CDK14: variants seen among roughly 807,000 people sequenced by gnomAD.
CDK14 encodes the protein cyclin dependent kinase 14.
In CDK14, 34 loss-of-function variants were observed where a neutral mutation model predicts 60.7. That is an observed-to-expected ratio of 0.56 (90% CI 0.43 to 0.75). The LOEUF (loss-of-function observed/expected upper bound fraction) is 0.75. Among genes scored for constraint, CDK14 ranks in the 30% least tolerant of loss-of-function variants. The probability of loss-of-function intolerance (pLI) is 0.00; values close to 1 mark genes in which losing one functional copy is unlikely to be tolerated. For missense variants in CDK14, 482 were observed against 564.1 expected (o/e 0.85, Z 1.47); for synonymous variants, 197 against 203.7 (o/e 0.97, Z 0.28).
At chr7:91,090,744 A>G (rs554328484) in intron 12 of CDK14, among the ~76,000 whole-genome samples, 82 of 152,108 alleles carry the variant, frequency 5.4e-4, no homozygotes, top group African/African-American at 2.0e-3. Flanking sequence ...GAGATTTTCC[A>G]TTTTCAAATT....
chr7:90,871,596 AAAT>A (rs146183018), intron 6 of CDK14, among the ~76,000 whole-genome samples: 2 of 152,316 alleles, frequency 1.3e-5, no homozygotes, highest in East Asian at 3.9e-4. Context: ...CACTTCTTTG[AAAT>A]ATAATGAGCA....
intron 12 of CDK14, 65 bp downstream of exon 12, chr7:91,079,545 A>C: frequency 1.0e-4 from 115 of 1,154,904 alleles, no homozygotes; most frequent in Non-Finnish European, 1.4e-4. Context: ...AACTCTTCTC[A>C]TACGTTTTTC....
At chr7:90,659,528 A>G (rs1360334599) in intron 2 of CDK14, among the ~76,000 whole-genome samples, 5 of 152,206 alleles carry the variant, frequency 3.3e-5, no homozygotes, top group Admixed American at 1.3e-4. Context: ...TAATAATTCC[A>G]TGAATGTTGC....
At chr7:90,672,659 A>G (rs1243841539) in intron 2 of CDK14, among the ~76,000 whole-genome samples, 1 of 151,768 alleles carries the variant, frequency 6.6e-6, no homozygotes, top group Non-Finnish European at 1.5e-5. Flanking sequence ...AGCTTGGACT[A>G]CAGGTGTACA....
intron 13 of CDK14, among the ~76,000 whole-genome samples, chr7:91,113,099 A>G (rs1266482594): frequency 6.6e-6 from 1 of 152,244 alleles, no homozygotes; most frequent in Non-Finnish European, 1.5e-5. Flanking sequence ...TGCTTTATGC[A>G]TACAGTACTT....
chr7:91,193,209 G>A (rs1802427676), intron 14 of CDK14, among the ~76,000 whole-genome samples: 1 of 152,130 alleles, frequency 6.6e-6, no homozygotes, highest in Non-Finnish European at 1.5e-5. Flanking sequence ...TCAGCATTCT[G>A]ACATCGTAAT....
chr7:90,939,487 C>T (rs566288053), intron 8 of CDK14, among the ~76,000 whole-genome samples: 4 of 152,292 alleles, frequency 2.6e-5, no homozygotes, highest in African/African-American at 7.2e-5. Context: ...TGTCGGGTTG[C>T]GGACAGTAAG....
intron 6 of CDK14, among the ~76,000 whole-genome samples, chr7:90,896,415 T>C (rs916592342): frequency 2.8e-4 from 42 of 152,156 alleles, no homozygotes. Context: ...AGAAACCTTA[T>C]TGATATACTA....
intron 5 of CDK14, among the ~76,000 whole-genome samples, chr7:90,839,979 T>A (rs1790237277): frequency 6.6e-6 from 1 of 152,146 alleles, no homozygotes; most frequent in East Asian, 1.9e-4. Flanking sequence ...TCTAGAAGGA[T>A]GTAAAAAGAA....
In CDK14 at chr7:91,015,521, G is replaced by GTTTTTTTTTT. The variant is rs10710645; in HGVS notation, c.1042-30361_1042-30352dup. Among the ~76,000 whole-genome samples the GTTTTTTTTTT allele has an allele frequency of 2.1e-4, 16 of 77,678 alleles. 1 individual carries two copies. The highest frequency in any genetic ancestry group is 2.8e-4 in the Non-Finnish European group (12 of 42,960). 51.0% of individuals were successfully genotyped at this position (77,678 alleles called of 152,430 possible). A position where few individuals can be genotyped will look rare whatever the true frequency, so the allele number is the denominator to read the frequency against. ...CCTACCCCAGCAGAGTATGTCTTGG[G>GTTTTTTTTTT]TTTTTTTTTTTTTTTTTTTTTTTTG... On this transcript the variant is annotated intron_variant, in intron 10 of 14. Coordinates refer to ENST00000380050, the MANE Select transcript of CDK14 (RefSeq NM_001287135.2).
intron 7 of CDK14, among the ~76,000 whole-genome samples, chr7:90,909,840 T>A (rs576810343): frequency 6.6e-6 from 1 of 152,292 alleles, no homozygotes; most frequent in African/African-American, 2.4e-5. Context: ...AGAATGTAAA[T>A]TAAATTGTTA....
At chr7:90,656,507 G>C (rs1800754383) in intron 2 of CDK14, among the ~76,000 whole-genome samples, 1 of 151,818 alleles carries the variant, frequency 6.6e-6, no homozygotes, top group Non-Finnish European at 1.5e-5. Flanking sequence ...AGCCTCCTGA[G>C]TAGCTGGGAC....
chr7:90,760,001 A>C (rs540214599), intron 4 of CDK14, among the ~76,000 whole-genome samples: 1 of 152,328 alleles, frequency 6.6e-6, no homozygotes, highest in African/African-American at 2.4e-5. Flanking sequence ...GTCAATGAGA[A>C]CAATGAAGGA....
intron 2 of CDK14, among the ~76,000 whole-genome samples, chr7:90,642,789 T>C (rs184480447): frequency 1.7e-4 from 26 of 152,344 alleles, no homozygotes; most frequent in Admixed American, 1.5e-3. Flanking sequence ...CTATATAATT[T>C]GTTCCACAGT....
At chr7:90,636,459 C>T (rs1361335908) in intron 2 of CDK14, among the ~76,000 whole-genome samples, 6 of 151,930 alleles carry the variant, frequency 3.9e-5, no homozygotes, top group Non-Finnish European at 8.8e-5. Context: ...TATATTGAAC[C>T]AGCCTTGCAT....
chr7:90,787,435 A>G (rs1805641394), intron 4 of CDK14, among the ~76,000 whole-genome samples: 3 of 152,260 alleles, frequency 2.0e-5, no homozygotes, highest in Admixed American at 1.3e-4. Flanking sequence ...ATAAACATTT[A>G]AACCTAACAT....
At chr7:90,850,617 A>T (rs2117178606) in intron 5 of CDK14, among the ~76,000 whole-genome samples, 1 of 152,274 alleles carries the variant, frequency 6.6e-6, no homozygotes, top group Admixed American at 6.5e-5. Flanking sequence ...GGGAACAGAA[A>T]GGACAATGTC....
intron 10 of CDK14, among the ~76,000 whole-genome samples, chr7:90,993,825 A>G (rs1795604902): frequency 6.6e-6 from 1 of 152,038 alleles, no homozygotes; most frequent in African/African-American, 2.4e-5. Flanking sequence ...GTGATAGTTT[A>G]TTTACTTTTC....
intron 9 of CDK14, among the ~76,000 whole-genome samples, chr7:90,976,602 G>C (rs1437378303): frequency 2.6e-5 from 4 of 151,846 alleles, no homozygotes; most frequent in Non-Finnish European, 5.9e-5. Context: ...AGCCTCAAGT[G>C]ATTCTCCCAC....
Sources: allele counts gnomAD v4.1 joint callset (sites outside exome capture counted in the v4.1 genomes callset), GRCh38; gene constraint gnomAD v4.1.1; transcripts MANE v1.5; gene names NCBI Gene and HGNC (gene_info 2026-07-23, HGNC 2026-07-21).